Variants in GABRA5 observed in about 807,000 individuals in gnomAD.
The protein encoded by GABRA5 is gamma-aminobutyric acid type A receptor subunit alpha5, also known as gamma-aminobutyric acid receptor subunit alpha-5.
In GABRA5, 18 loss-of-function variants were observed where a neutral mutation model predicts 47.3. The observed-to-expected ratio is 0.38, with a 90% CI of 0.26 to 0.56. The LOEUF (loss-of-function observed/expected upper bound fraction) is 0.56, where lower values mean the gene tolerates loss of function less well. Among genes scored for constraint, GABRA5 ranks in the 20% least tolerant of loss-of-function variants. The pLI is 0.71. For missense variants in GABRA5, 365 were observed against 599.3 expected (o/e 0.61, Z 4.08); for synonymous variants, 237 against 229.3 (o/e 1.03, Z -0.30).
intron 7 of GABRA5, among the ~76,000 whole-genome samples, chr15:26,928,224 A>C (rs1894006392): frequency 6.6e-6 from 1 of 152,178 alleles, no homozygotes; most frequent in African/African-American, 2.4e-5. Flanking sequence ...CACCGGAGTG[A>C]GCTACTATTC....
intron 7 of GABRA5, among the ~76,000 whole-genome samples, chr15:26,925,533 A>C (rs915381656): frequency 6.6e-6 from 1 of 152,102 alleles, no homozygotes; most frequent in Non-Finnish European, 1.5e-5. Flanking sequence ...TTATTACAGC[A>C]ATTTTTTATT....
chr15:26,901,290 G>A (rs1056408557), intron 6 of GABRA5, among the ~76,000 whole-genome samples: 2 of 152,204 alleles, frequency 1.3e-5, no homozygotes, highest in African/African-American at 2.4e-5. Flanking sequence ...TAATGAGCAA[G>A]TTTCTCTTGC....
intron 6 of GABRA5, among the ~76,000 whole-genome samples, chr15:26,893,204 T>G (rs1053584047): frequency 2.3e-4 from 19 of 83,228 alleles, no homozygotes; most frequent in Non-Finnish European, 4.9e-4. Context: ...TATAGTGTGT[T>G]GGGTGTGTAT....
At chr15:26,871,656 G>A (rs1892475285) in intron 3 of GABRA5, among the ~76,000 whole-genome samples, 1 of 152,102 alleles carries the variant, frequency 6.6e-6, no homozygotes, top group African/African-American at 2.4e-5. Flanking sequence ...CCTTGCTTCT[G>A]TGCATGTTTT....
Position 26,947,939 on chromosome 15 carries a change from G to A in GABRA5, c.1095G>A (p.Lys365=), listed in dbSNP as rs201873655. 7.0e-6 allele frequency: 11 copies of A among 1,570,768 alleles called. No homozygotes were observed. The East Asian group carries it at 1.4e-4, about 20-fold the overall frequency. ...KALEAAKIKK[K]REVILNKSTN... ...ATTCGTATTATATTTTGCAGAAAAA[G>A]CGTGAAGTCATACTAAATAAGTCAA... Residue 365 remains lysine (K), a synonymous_variant, in exon 11 of 11, where the codon AAG becomes AAA. Transcript: ENST00000335625.
In GABRA5 at chr15:26,948,158, C is replaced by G; in HGVS notation, c.1314C>G (p.Gly438=). Residue 438 remains glycine, a synonymous_variant, in exon 11 of 11, where the codon GGC becomes GGG. Coordinates refer to ENST00000335625, the MANE Select transcript of GABRA5 (RefSeq NM_000810.4). ...MSRIVFPVLF[G]TFNLVYWATY... ...GAATCGTATTCCCAGTCTTGTTCGG[C>G]ACTTTCAACTTAGTTTACTGGGCAA... 6.2e-7 allele frequency: 1 copy of G among 1,613,858 alleles called. No homozygotes were observed. Among genetic ancestry groups the G allele is most frequent in the East Asian group, 2.2e-5 (1 of 44,868 alleles).
At chr15:26,873,975 T>C (rs941523632) in intron 3 of GABRA5, among the ~76,000 whole-genome samples, 5 of 152,174 alleles carry the variant, frequency 3.3e-5, no homozygotes, top group Admixed American at 2.0e-4. Flanking sequence ...GTTATCTGCT[T>C]TATAAAGGAA....
chr15:26,911,183 G>T (rs1893575295), intron 6 of GABRA5, among the ~76,000 whole-genome samples: 2 of 114,626 alleles, frequency 1.7e-5, no homozygotes, highest in Admixed American at 8.8e-5. Context: ...ATTCTAAGGG[G>T]CTCTATAAAA....
chr15:26,874,376 A>T (rs1595391993), intron 3 of GABRA5, among the ~76,000 whole-genome samples: 1 of 152,244 alleles, frequency 6.6e-6, no homozygotes, highest in East Asian at 1.9e-4. Context: ...AGGTGAAAAG[A>T]GCTCAGGTGT....
In GABRA5 at chr15:26,883,535, G is replaced by A. The variant is rs968198759; in HGVS notation, c.475G>A (p.Gly159Ser). Residue 159 changes from glycine to serine, a missense_variant, in exon 6 of 11, where the codon GGC becomes AGC. Gly to Ser is a moderately conservative substitution (Grantham distance 56). Transcript: ENST00000335625. This position sits in a 1 kb window ranked among gnomAD's most constrained non-coding sequence, Gnocchi z 4.8. ...CAAGCTGCTGCGGCTGGAGGACGAC[G>A]GCACCCTGCTCTACACCATGCGGTG... Reference protein sequence around the residue: ...PNKLLRLEDDGTLLYTMRLTI... With the variant: ...PNKLLRLEDDSTLLYTMRLTI... 2.5e-6 allele frequency: 4 copies of A among 1,611,078 alleles called. No homozygotes were observed. Among genetic ancestry groups the A allele is most frequent in the Non-Finnish European group, 2.5e-6 (3 of 1,178,980 alleles).
At chr15:26,881,012 G>T in intron 4 of GABRA5, 45 bp downstream of exon 4, 1 of 1,598,616 alleles carries the variant, frequency 6.3e-7, no homozygotes, top group South Asian at 1.1e-5. Context: ...ATCCAGGAAG[G>T]GCTTAAGTCT....
Position 26,947,143 on chromosome 15 carries a change from C to T in GABRA5, c.1090-791C>T, listed in dbSNP as rs376903620. On this transcript the variant is annotated intron_variant, in intron 10 of 10. Transcript: ENST00000335625. ...GCTGGTGCACTTGAAGGTAAAGAAGCGATGGCTGCCTTGCAGGGGGCAAGT... is the reference window on the plus strand; with the variant it reads ...GCTGGTGCACTTGAAGGTAAAGAAGTGATGGCTGCCTTGCAGGGGGCAAGT... Among the ~76,000 whole-genome samples the T allele has an allele frequency of 2.5e-4, 38 of 152,306 alleles. No individual in the cohort carries two copies. The Middle Eastern group carries it at 0.014, about 55-fold the overall frequency.
intron 7 of GABRA5, among the ~76,000 whole-genome samples, chr15:26,919,410 G>C (rs780057875): frequency 6.6e-6 from 1 of 151,558 alleles, no homozygotes. Context: ...AACTTCTATA[G>C]TTATTATCTT....
chr15:26,942,394 G>A (rs1894405673), intron 9 of GABRA5, among the ~76,000 whole-genome samples: 1 of 152,198 alleles, frequency 6.6e-6, no homozygotes, highest in Non-Finnish European at 1.5e-5. Flanking sequence ...TTCCCTCTTT[G>A]AGGGAGTGAC....
intron 3 of GABRA5, among the ~76,000 whole-genome samples, chr15:26,877,143 T>C (rs888980378): frequency 3.9e-5 from 6 of 152,216 alleles, no homozygotes; most frequent in Non-Finnish European, 7.3e-5. Flanking sequence ...TCTAGCATGA[T>C]GTTCCATGGC....
At chr15:26,935,771 C>G (rs1455795708) in intron 7 of GABRA5, among the ~76,000 whole-genome samples, 5 of 152,208 alleles carry the variant, frequency 3.3e-5, no homozygotes, top group African/African-American at 4.8e-5. Flanking sequence ...ATCCTCCCCC[C>G]TGCATCTCTC....
chr15:26,894,716 C>A (rs1447597868), intron 6 of GABRA5, among the ~76,000 whole-genome samples: 1 of 152,054 alleles, frequency 6.6e-6, no homozygotes, highest in Admixed American at 6.6e-5. Flanking sequence ...GTGTGCTGTG[C>A]GCTCACCGGA....
chr15:26,907,938 C>A (rs1208591841), intron 6 of GABRA5, among the ~76,000 whole-genome samples: 1 of 152,072 alleles, frequency 6.6e-6, no homozygotes, highest in Non-Finnish European at 1.5e-5. Context: ...GCATTCTTTT[C>A]TTTAGTAAAC....
At chr15:26,942,991 C>T (rs1387200811) in intron 9 of GABRA5, among the ~76,000 whole-genome samples, 1 of 152,082 alleles carries the variant, frequency 6.6e-6, no homozygotes, top group Non-Finnish European at 1.5e-5. Flanking sequence ...AGCTGAGGCA[C>T]AAGAATCGCT....
Sources: allele counts gnomAD v4.1 joint callset (sites outside exome capture counted in the v4.1 genomes callset), GRCh38; gene constraint gnomAD v4.1.1; non-coding constraint Gnocchi (gnomAD v3.1); transcripts MANE v1.5; gene names NCBI Gene and HGNC (gene_info 2026-07-23, HGNC 2026-07-21).